LAMA5: variants seen among roughly 807,000 people sequenced by gnomAD.
The protein encoded by LAMA5 is laminin subunit alpha 5, also known as laminin subunit alpha-5.
Under a neutral mutation model 433.4 loss-of-function variants are expected in LAMA5, and 260 were observed. The observed-to-expected ratio is 0.60, with a 90% confidence interval of 0.54 to 0.66. The LOEUF (loss-of-function observed/expected upper bound fraction) is 0.66, where lower values mean the gene tolerates loss of function less well. Among genes scored for constraint, LAMA5 ranks in the 30% least tolerant of loss-of-function variants. The probability of loss-of-function intolerance (pLI) is 0.00; values close to 1 mark genes in which losing one functional copy is unlikely to be tolerated. For synonymous variants in LAMA5, 2,620 were observed against 2,226.6 expected (o/e 1.18, Z -4.97); for missense variants, 5,378 against 5,258.5 (o/e 1.02, Z -0.70).
At position 62,312,793 on chromosome 20, in the gene LAMA5, T is replaced by C; in HGVS notation, c.9079-13A>G. 1 of 1,594,902 alleles carries C rather than the reference T, an allele frequency of 6.3e-7. No homozygotes were observed. ...GGAACACCTGGATCTACAGGACCAG[T>C]GGGGGCTCCAGGGCCAGCTGTGTCC... On this transcript the variant is annotated splice_polypyrimidine_tract_variant and intron_variant, in intron 66 of 79. Transcript: ENST00000252999.
At position 62,322,623 on chromosome 20, in the gene LAMA5, C is replaced by G. The variant is rs1336191171; in HGVS notation, c.6165+35G>C. On this transcript the variant is annotated intron_variant, in intron 46 of 79. Coordinates refer to ENST00000252999, the MANE Select transcript of LAMA5 (RefSeq NM_005560.6). ...AGGCCCCAACTCTAGTCCCTAGGCC[C>G]CACCCACCCAGCCCTGCTTACCCCA... The G allele has an allele frequency of 8.7e-6, 10 of 1,155,116 alleles. No homozygotes were observed. In the East Asian group the frequency reaches 2.3e-4, roughly 27 times the overall value. The allele number at this position is 1,155,116 out of a possible 1,614,324, so 71.6% of individuals were successfully genotyped here. A position where few individuals can be genotyped will look rare whatever the true frequency, so the allele number is the denominator to read the frequency against.
At position 62,334,206 on chromosome 20, in the gene LAMA5, C is replaced by T. The variant is rs754363517; in HGVS notation, c.2719G>A (p.Ala907Thr). 1.6e-5 allele frequency: 25 copies of T among 1,612,722 alleles called. No individual in the cohort carries two copies. Among genetic ancestry groups the T allele is most frequent in the Non-Finnish European group, 1.7e-5 (20 of 1,179,870 alleles). Residue 907 changes from alanine to threonine, a missense_variant, in exon 22 of 80, where the codon GCG becomes ACG. Physicochemically the swap from Ala to Thr is moderately conservative, Grantham distance 58. Coordinates refer to ENST00000252999, the MANE Select transcript of LAMA5 (RefSeq NM_005560.6). Reference sequence around the variant, plus strand: ...CCCACCTGGACAGGTGCCATCTGCGCGTAGCCCCTCCAGCTGAAGTTCTCG... The same window carrying T: ...CCCACCTGGACAGGTGCCATCTGCGTGTAGCCCCTCCAGCTGAAGTTCTCG... ...EFENFSWRGYAQMAPVQPRIV... is the reference protein window; with the variant it reads ...EFENFSWRGYTQMAPVQPRIV...
At chr20:62,364,949 C>T (rs1986556460) in intron 1 of LAMA5, among the ~76,000 whole-genome samples, 1 of 152,278 alleles carries the variant, frequency 6.6e-6, no homozygotes, top group South Asian at 2.1e-4. Flanking sequence ...CTGCCTTGCC[C>T]CAACCGCAGC....
rs771247485 is a variant in LAMA5, at chr20:62,322,327, T to C, written c.6288A>G (p.Gly2096=). 5.4e-5 allele frequency: 86 copies of C among 1,598,786 alleles called. No homozygotes were observed. Among genetic ancestry groups the C allele is most frequent in the Non-Finnish European group, 2.6e-6 (3 of 1,174,630 alleles). ...CAGGGGCACACTCGCGGCACTGGGG[T>C]CCCATGGTCCCTGGTCGGCAGTGGC... ...GQCHCRPGTM[G]PQCRECAPGY... The change falls in exon 47 of 80, where the codon GGA becomes GGG. Residue 2096 remains glycine (G), a synonymous_variant. Coordinates refer to ENST00000252999, the MANE Select transcript of LAMA5 (RefSeq NM_005560.6).
rs1009594040 is a variant in LAMA5 at position 62,346,723 on chromosome 20, C to T, written c.1150G>A (p.Asp384Asn). The change falls in exon 8 of 80, where the codon GAT becomes AAT. Residue 384 changes from aspartate to asparagine, a missense_variant. Coordinates refer to ENST00000252999, the MANE Select transcript of LAMA5 (RefSeq NM_005560.6). ...ACACCCCCACCCTGATAGGTGCCAT[C>T]CAGGCTCTGGCTGGCGCGGCGCCGG... is the stretch of plus-strand genomic sequence containing the variant. ...VDRRRASQSL[D>N]GTYQGGGVCI... is the part of the protein sequence containing the mutation. 1.2e-6 allele frequency: 2 copies of T among 1,613,190 alleles called. No individual in the cohort carries two copies. Among genetic ancestry groups the T allele is most frequent in the African/African-American group, 2.7e-5 (2 of 74,928 alleles).
At chr20:62,327,157 C>T (rs1979441996) in intron 38 of LAMA5, 76 bp downstream of exon 38, 2 of 1,376,102 alleles carry the variant, frequency 1.5e-6, no homozygotes, top group African/African-American at 1.5e-5. Flanking sequence ...GGACAGACCC[C>T]GCTCCTGGCT....
chr20:62,358,185 G>A (rs1021449547), intron 2 of LAMA5, among the ~76,000 whole-genome samples: 2 of 152,294 alleles, frequency 1.3e-5, no homozygotes, highest in Non-Finnish European at 2.9e-5. Flanking sequence ...TGGCGCGGGG[G>A]TGCGGGGAGA....
chr20:62,338,966 G>A (rs922623577), intron 11 of LAMA5, among the ~76,000 whole-genome samples: 1 of 151,152 alleles, frequency 6.6e-6, no homozygotes, highest in African/African-American at 2.4e-5. Context: ...GATCCTGGGA[G>A]GCGGAGGTTG....
chr20:62,315,077 G>A lies in LAMA5; in HGVS notation c.7998C>T (p.Gly2666=). ...CCTGGCCCAGGTCCTGGCCCCGCAG[G>A]CCCTCGTACTGGCCCTGCCACCGCT... ...NVERWQGQYE[G]LRGQDLGQAV... Residue 2666 remains glycine, a synonymous_variant, in exon 59 of 80, where the codon GGC becomes GGT. Transcript: ENST00000252999. The A allele has an allele frequency of 1.9e-6, 3 of 1,602,704 alleles. No homozygotes were observed. Among genetic ancestry groups the A allele is most frequent in the African/African-American group, 2.7e-5 (2 of 75,022 alleles).
At position 62,343,060 on chromosome 20, in the gene LAMA5, G is replaced by A. The variant is rs181362759; in HGVS notation, c.1477+2758C>T. On this transcript the variant is annotated intron_variant, in intron 11 of 79. Transcript: ENST00000252999. ...TAGCAAACTAGTCTATGGACTCCTC[G>A]CTTGCTTTTGTAAATAAAGTTTTAT... 1.6e-3 allele frequency among the ~76,000 whole-genome samples: 237 copies of A among 152,216 alleles called. 1 individual carries two copies. The highest frequency in any genetic ancestry group is 5.8e-3 in the East Asian group (30 of 5,184).
Position 62,346,946 on chromosome 20 carries a change from G to A in LAMA5, c.1039C>T (p.Pro347Ser). 1 of 1,612,864 alleles carries A rather than the reference G, an allele frequency of 6.2e-7. No homozygotes were observed. Among genetic ancestry groups the A allele is most frequent in the Non-Finnish European group, 8.5e-7 (1 of 1,179,940 alleles). Reference protein sequence around the residue: ...CPGFNQQPWKPATANSANECQ... With the variant: ...CPGFNQQPWKSATANSANECQ... ...TCGTTGGCACTGTTGGCAGTCGCAG[G>A]CTTCCACGGCTGCTGATTGAAGCCG... Residue 347 changes from proline (P) to serine (S), a missense_variant, in exon 7 of 80, where the codon CCT (proline) becomes TCT (serine). Pro to Ser is a moderately conservative substitution (Grantham distance 74, BLOSUM62 -1). Coordinates refer to ENST00000252999, the MANE Select transcript of LAMA5 (RefSeq NM_005560.6).
In LAMA5 at chr20:62,337,618, G is replaced by A. The variant is rs541744050; in HGVS notation, c.2136C>T (p.Pro712=). 1.9e-5 allele frequency: 31 copies of A among 1,611,172 alleles called. 1 individual carries two copies. Among genetic ancestry groups the A allele is most frequent in the Admixed American group, 1.2e-4 (7 of 59,850 alleles). ...VTGLRCDTCV[P]GAYNFPYCEA... is the part of the protein sequence containing the mutation. ...CGCAGTAGGGGAAGTTGTAGGCACC[G>A]GGCACACATGTGTCACACCGCAGCC... is the stretch of plus-strand genomic sequence containing the variant. Residue 712 remains proline, a synonymous_variant, in exon 16 of 80, where the codon CCC becomes CCT. Coordinates refer to ENST00000252999, the MANE Select transcript of LAMA5 (RefSeq NM_005560.6).
chr20:62,331,273 T>A (rs1326252647), intron 28 of LAMA5, 144 bp from the exon 29 acceptor site: 1 of 5,944 alleles, frequency 1.7e-4, no homozygotes, highest in Non-Finnish European at 4.1e-4. Flanking sequence ...ATGGGGGGGG[T>A]GCAGGCGGTA....
intron 53 of LAMA5, 63 bp downstream of exon 53, chr20:62,318,375 GGAGGAGCCGGAGAGGA>G: frequency 1.1e-5 from 11 of 1,035,680 alleles, no homozygotes; most frequent in Non-Finnish European, 1.6e-5. Context: ...GGAGGGGAGG[GGAGGAGCCGGAGAGGA>G]GAGGGATTGC....
rs143210371 is a variant in LAMA5 at position 62,314,812 on chromosome 20, C to A, written c.8183G>T (p.Gly2728Val). The change falls in exon 60 of 80, where the codon GGG becomes GTG. Residue 2728 changes from glycine to valine, a missense_variant. Gly to Val is a moderately radical substitution (Grantham distance 109). Transcript: ENST00000252999. ...ACTCTCACCCACCTTACTGGCAGCC[C>A]CCCGGGCCTGGGCAATGAGCTCTCG... The part of the protein sequence containing the change: ...RVRELIAQAR[G>V]AASKVKVPMK... 1.2e-6 allele frequency: 2 copies of A among 1,612,756 alleles called. No individual in the cohort carries two copies. Among genetic ancestry groups the A allele is most frequent in the African/African-American group, 2.7e-5 (2 of 74,918 alleles).
rs149358620 is a variant in LAMA5, at chr20:62,313,786, G to A, written c.8521C>T (p.His2841Tyr). 297 of 1,612,570 alleles carry A rather than the reference G, an allele frequency of 1.8e-4. 2 individuals carry two copies. In the African/African-American group the frequency reaches 3.6e-3, roughly 19 times the overall value. ...VSLDRTLQFGHMSVTVERQMI... is the reference protein window; with the variant it reads ...VSLDRTLQFGYMSVTVERQMI... ...TGTCTCTCCACTGTGACGGACATGT[G>A]GCCAAACTGGAGAGTCCTGAGGGCA... is the stretch of plus-strand genomic sequence containing the variant. The change falls in exon 63 of 80, where the codon CAC becomes TAC. Residue 2841 changes from histidine (H) to tyrosine (Y), a missense_variant. Coordinates refer to ENST00000252999, the MANE Select transcript of LAMA5 (RefSeq NM_005560.6).
chr20:62,327,332 C>A lies in LAMA5; in HGVS notation c.5013G>T (p.Thr1671=), dbSNP rs201803861. 1 of 1,602,378 alleles carries A rather than the reference C, an allele frequency of 6.2e-7. No individual in the cohort carries two copies. The highest frequency in any genetic ancestry group is 1.7e-5 in the Admixed American group (1 of 59,034). The change falls in exon 38 of 80, where the codon ACG becomes ACT. Residue 1671 remains threonine (T), a synonymous_variant. Transcript: ENST00000252999. ...GCCGCAGGTCTGCACGGAGCATCTCCGTCCCTGGCTGCCGCTCGTGGGGCA... is the reference window on the plus strand; with the variant it reads ...GCCGCAGGTCTGCACGGAGCATCTCAGTCCCTGGCTGCCGCTCGTGGGGCA... The part of the protein sequence containing the change: ...QVVPHERQPG[T]EMLRADLRHV...
chr20:62,365,727 G>A (rs55686403), intron 1 of LAMA5, among the ~76,000 whole-genome samples: 3,060 of 152,314 alleles, frequency 0.02, 44 homozygotes, highest in Non-Finnish European at 0.03. Context: ...GCTGGACCCT[G>A]TTCTGGCTGG....
intron 16 of LAMA5, among the ~76,000 whole-genome samples, chr20:62,337,221 G>A (rs1022445137): frequency 2.0e-4 from 30 of 151,304 alleles, no homozygotes; most frequent in African/African-American, 2.7e-4. Flanking sequence ...TGCGACACGC[G>A]CCCACATGCG....
Sources: allele counts gnomAD v4.1 joint callset (sites outside exome capture counted in the v4.1 genomes callset), GRCh38; gene constraint gnomAD v4.1.1; transcripts MANE v1.5; gene names NCBI Gene and HGNC (gene_info 2026-07-23, HGNC 2026-07-21).